The following NKAIN2 variants were observed in gnomAD, a reference collection of about 807,000 sequenced individuals.
NKAIN2 encodes the protein sodium/potassium transporting ATPase interacting 2.
NKAIN2 carries 14 observed loss-of-function variants against 32.6 expected under a neutral mutation model. That is an observed-to-expected ratio of 0.43 (90% CI 0.28 to 0.67). NKAIN2 has a LOEUF of 0.67. NKAIN2 is among the 30% of genes least tolerant of loss of function. NKAIN2 has a pLI of 0.17. For synonymous variants in NKAIN2, 80 were observed against 87.2 expected, an observed-to-expected ratio of 0.92 and a Z score of 0.46; for missense variants, 198 against 258.3, an observed-to-expected ratio of 0.77 and a Z score of 1.60.
rs187324368 is a variant in NKAIN2, at chr6:124,174,343, A to G, written c.55-108662A>G. Among the ~76,000 whole-genome samples the G allele has an allele frequency of 3.9e-5, 6 of 152,308 alleles. No homozygotes were observed. In the East Asian group the frequency reaches 1.2e-3, roughly 29 times the overall value. On this transcript the variant is annotated intron_variant, in intron 1 of 6. Coordinates refer to ENST00000368417, the MANE Select transcript of NKAIN2 (RefSeq NM_001040214.3). ...CTTTACCTGTTAATCATTCTAAACC[A>G]AACTTCCTCAAGTGTCTCCTTAAAT... is the stretch of plus-strand genomic sequence containing the variant.
At chr6:124,180,051 T>C (rs1789360704) in intron 1 of NKAIN2, among the ~76,000 whole-genome samples, 1 of 152,148 alleles carries the variant, frequency 6.6e-6, no homozygotes, top group South Asian at 2.1e-4. Context: ...AGTTTTCTCC[T>C]TTCATGGGTA....
intron 2 of NKAIN2, among the ~76,000 whole-genome samples, chr6:124,321,873 A>G (rs1583045684): frequency 6.6e-6 from 1 of 152,196 alleles, no homozygotes; most frequent in African/African-American, 2.4e-5. Flanking sequence ...GTTATTATCC[A>G]TATGGACTTA....
chr6:124,365,544 A>C (rs992653307), intron 3 of NKAIN2, among the ~76,000 whole-genome samples: 1 of 151,948 alleles, frequency 6.6e-6, no homozygotes, highest in African/African-American at 2.4e-5. Flanking sequence ...ATGAAGTAAA[A>C]ATTAATAGAA....
At chr6:124,154,945 T>A (rs1730456402) in intron 1 of NKAIN2, among the ~76,000 whole-genome samples, 1 of 152,054 alleles carries the variant, frequency 6.6e-6, no homozygotes, top group African/African-American at 2.4e-5. Flanking sequence ...TTAATCAGAG[T>A]TATAAATTAT....
At chr6:123,977,503 A>G (rs938612131) in intron 1 of NKAIN2, among the ~76,000 whole-genome samples, 14 of 152,160 alleles carry the variant, frequency 9.2e-5, no homozygotes, top group African/African-American at 3.4e-4. Flanking sequence ...ATGGTTATCA[A>G]ATGATTCTCT....
At chr6:124,228,910 A>G (rs1336374600) in intron 1 of NKAIN2, among the ~76,000 whole-genome samples, 2 of 152,204 alleles carry the variant, frequency 1.3e-5, no homozygotes, top group East Asian at 3.8e-4. Context: ...AATTGCATTC[A>G]TTCTATCATG....
chr6:124,523,732 A>G (rs1177073874), intron 3 of NKAIN2, among the ~76,000 whole-genome samples: 2 of 152,180 alleles, frequency 1.3e-5, no homozygotes, highest in Non-Finnish European at 2.9e-5. Context: ...AGACCCAGAA[A>G]GCTAAAGGAG....
At chr6:123,868,103 T>C (rs139567883) in intron 1 of NKAIN2, among the ~76,000 whole-genome samples, 6,445 of 152,080 alleles carry the variant, frequency 0.042, 180 homozygotes, top group South Asian at 0.058. Context: ...CTCCTGACCT[T>C]GTGATCTGCC....
chr6:124,345,553 T>G (rs1423737204), intron 2 of NKAIN2, among the ~76,000 whole-genome samples: 1 of 151,960 alleles, frequency 6.6e-6, no homozygotes, highest in Non-Finnish European at 1.5e-5. Flanking sequence ...TCTTCCTGGT[T>G]TAGTCTTGGG....
chr6:124,581,465 A>T (rs900317121), intron 3 of NKAIN2, among the ~76,000 whole-genome samples: 2 of 148,854 alleles, frequency 1.3e-5, no homozygotes, highest in Non-Finnish European at 3.0e-5. Flanking sequence ...AAAAAAAAAA[A>T]AAAAAGAAAC....
intron 3 of NKAIN2, among the ~76,000 whole-genome samples, chr6:124,547,610 G>T (rs148530461): frequency 1.3e-5 from 2 of 152,244 alleles, no homozygotes; most frequent in African/African-American, 4.8e-5. Context: ...TGAAATCACA[G>T]AGGCAGTGTT....
At chr6:123,817,662 C>T (rs1348137564) in intron 1 of NKAIN2, among the ~76,000 whole-genome samples, 3 of 152,100 alleles carry the variant, frequency 2.0e-5, no homozygotes, top group Non-Finnish European at 4.4e-5. Flanking sequence ...ACGGAATCTT[C>T]AGGGAGGCAA....
chr6:124,286,679 CGCGT>C (rs569356005), intron 2 of NKAIN2, among the ~76,000 whole-genome samples: 8,804 of 131,828 alleles, frequency 0.067, 352 homozygotes, highest in African/African-American at 0.15. Context: ...TGTGTGCGCG[CGCGT>C]GTGTGTGTGT....
intron 6 of NKAIN2, among the ~76,000 whole-genome samples, chr6:124,821,615 A>G (rs955317158): frequency 7.2e-5 from 11 of 152,204 alleles, no homozygotes; most frequent in African/African-American, 2.7e-4. Flanking sequence ...AGCACTTTAA[A>G]TGCCAACTAA....
At chr6:124,218,486 G>A (rs1791605994) in intron 1 of NKAIN2, among the ~76,000 whole-genome samples, 1 of 151,996 alleles carries the variant, frequency 6.6e-6, no homozygotes. Flanking sequence ...ATTCTTAATA[G>A]GACACCTATT....
intron 2 of NKAIN2, among the ~76,000 whole-genome samples, chr6:124,342,835 A>ATTATTATTATTATTATTATTG (rs1429792655): frequency 0.01 from 1,557 of 149,896 alleles, 30 homozygotes; most frequent in African/African-American, 0.034. Flanking sequence ...TATTATTATT[A>ATTATTATTATTATTATTATTG]TTATTATTAT....
intron 3 of NKAIN2, among the ~76,000 whole-genome samples, chr6:124,579,920 G>A (rs1011269710): frequency 9.2e-5 from 14 of 152,142 alleles, no homozygotes; most frequent in African/African-American, 2.4e-4. Flanking sequence ...GGAGAGAGTG[G>A]CATCACATAT....
At chr6:124,710,912 T>C (rs1775413968) in intron 4 of NKAIN2, among the ~76,000 whole-genome samples, 1 of 151,682 alleles carries the variant, frequency 6.6e-6, no homozygotes. Flanking sequence ...GTTGATGCAG[T>C]TTCTTCCTAG....
intron 1 of NKAIN2, among the ~76,000 whole-genome samples, chr6:124,097,723 A>C (rs1031382471): frequency 6.6e-6 from 1 of 152,190 alleles, no homozygotes; most frequent in Non-Finnish European, 1.5e-5. Flanking sequence ...GGGAATGTTG[A>C]CGCATAAATT....
Sources: gnomAD v4.1 joint callset for allele counts (sites outside exome capture counted in the v4.1 genomes callset) on GRCh38, gnomAD v4.1.1 for gene constraint, MANE v1.5 for transcripts, NCBI Gene and HGNC (gene_info 2026-07-23, HGNC 2026-07-21) for gene names.